Variants in KCNH7 observed in about 807,000 individuals in gnomAD.
KCNH7 encodes potassium voltage-gated channel subfamily H member 7, also known as voltage-gated inwardly rectifying potassium channel KCNH7.
KCNH7 carries 49 observed loss-of-function variants against 120.8 expected under a neutral mutation model. That is an observed-to-expected ratio of 0.41 (90% CI 0.32 to 0.51). KCNH7 has a LOEUF of 0.51. Ranked by LOEUF, KCNH7 falls within the 20% of genes least tolerant of loss-of-function variation. The pLI is 0.38. For synonymous variants in KCNH7, 547 were observed against 516.1 expected, an observed-to-expected ratio of 1.06 and a Z score of -0.81; for missense variants, 1,097 against 1,446.6, an observed-to-expected ratio of 0.76 and a Z score of 3.92.
intron 2 of KCNH7, among the ~76,000 whole-genome samples, chr2:162,712,988 G>C (rs1686978294): frequency 6.6e-6 from 1 of 152,178 alleles, no homozygotes; most frequent in Non-Finnish European, 1.5e-5. Flanking sequence ...TGTGTACAGA[G>C]TTCAAATAAC....
intron 15 of KCNH7, 77 bp from the exon 16 acceptor site, chr2:162,372,172 T>G (rs1173635131): frequency 1.7e-6 from 2 of 1,188,226 alleles, no homozygotes; most frequent in Admixed American, 2.4e-5. Flanking sequence ...TAATAAAAAC[T>G]TAAGCATTTT....
intron 2 of KCNH7, among the ~76,000 whole-genome samples, chr2:162,595,246 A>T (rs1694340421): frequency 6.6e-6 from 1 of 151,968 alleles, no homozygotes. Flanking sequence ...AGCAGGGGGA[A>T]ATTCCAGAAA....
chr2:162,427,358 T>C (rs1687900573), intron 8 of KCNH7, among the ~76,000 whole-genome samples: 1 of 152,102 alleles, frequency 6.6e-6, no homozygotes, highest in Non-Finnish European at 1.5e-5. Flanking sequence ...ATTTGTTCCA[T>C]ATCCTCTCCA....
chr2:162,491,649 G>T (rs2105715052), intron 6 of KCNH7, among the ~76,000 whole-genome samples: 1 of 152,306 alleles, frequency 6.6e-6, no homozygotes, highest in East Asian at 1.9e-4. Context: ...TGGGTGAAAA[G>T]TTGCATTGGC....
At chr2:162,529,923 T>A (rs535114082) in intron 3 of KCNH7, among the ~76,000 whole-genome samples, 2 of 152,088 alleles carry the variant, frequency 1.3e-5, no homozygotes, top group Admixed American at 1.3e-4. Flanking sequence ...GCTCATTTAT[T>A]CAGTACTTAT....
At chr2:162,493,644 C>T (rs1386557784) in intron 6 of KCNH7, among the ~76,000 whole-genome samples, 1 of 152,050 alleles carries the variant, frequency 6.6e-6, no homozygotes, top group Non-Finnish European at 1.5e-5. Context: ...TTATCTGTGC[C>T]TAGTACATAA....
chr2:162,764,253 TAGC>T (rs929871161), intron 2 of KCNH7, among the ~76,000 whole-genome samples: 1 of 152,070 alleles, frequency 6.6e-6, no homozygotes, highest in Admixed American at 6.6e-5. Flanking sequence ...AAAAGAGAAA[TAGC>T]AGCAGCTACA....
chr2:162,385,878 A>T (rs1686557001), intron 12 of KCNH7, among the ~76,000 whole-genome samples: 1 of 151,924 alleles, frequency 6.6e-6, no homozygotes, highest in South Asian at 2.1e-4. Flanking sequence ...AACTGTTTTT[A>T]AAAATTCCCA....
At chr2:162,730,145 C>T (rs78726708) in intron 2 of KCNH7, among the ~76,000 whole-genome samples, 18 of 145,412 alleles carry the variant, frequency 1.2e-4, no homozygotes, top group Non-Finnish European at 2.3e-4. Context: ...TAGAAGATGT[C>T]GAATGAAAAA....
At chr2:162,448,870 T>A (rs1185802840) in intron 6 of KCNH7, among the ~76,000 whole-genome samples, 1 of 151,636 alleles carries the variant, frequency 6.6e-6, no homozygotes, top group Admixed American at 6.6e-5. Flanking sequence ...AAAATGGGAG[T>A]CCCCTTGAGG....
chr2:162,657,090 T>G (rs1361488241), intron 2 of KCNH7, among the ~76,000 whole-genome samples: 1 of 152,176 alleles, frequency 6.6e-6, no homozygotes, highest in Non-Finnish European at 1.5e-5. Flanking sequence ...TACAGCCTCC[T>G]CCACTATCCA....
chr2:162,645,231 T>A (rs568704630), intron 2 of KCNH7, among the ~76,000 whole-genome samples: 1 of 152,266 alleles, frequency 6.6e-6, no homozygotes, highest in South Asian at 2.1e-4. Context: ...CACTGCAACC[T>A]CCGCCTCCCG....
chr2:162,535,343 G>T (rs1692070147), intron 3 of KCNH7, among the ~76,000 whole-genome samples: 1 of 151,712 alleles, frequency 6.6e-6, no homozygotes, highest in Non-Finnish European at 1.5e-5. Flanking sequence ...AAAAGTCAAT[G>T]TATAAGTCAC....
At chr2:162,643,345 AACAAAAAAACCCAAAAAACAG>A (rs1684231768) in intron 2 of KCNH7, among the ~76,000 whole-genome samples, 1 of 152,142 alleles carries the variant, frequency 6.6e-6, no homozygotes, top group Admixed American at 6.5e-5. Flanking sequence ...AGCAAAAACA[AACAAAAAAACCCAAAAAACAG>A]AAAACAAAAC....
At chr2:162,421,464 T>C (rs997770300) in intron 9 of KCNH7, among the ~76,000 whole-genome samples, 1 of 152,156 alleles carries the variant, frequency 6.6e-6, no homozygotes, top group African/African-American at 2.4e-5. Flanking sequence ...CCAGGTTATC[T>C]TCCCCAGTTT....
chr2:162,371,559 A>T lies in KCNH7; in HGVS notation c.*270T>A. 1.2e-6 allele frequency: 1 copy of T among 860,722 alleles called. No homozygotes were observed. The highest frequency in any genetic ancestry group is 2.4e-5 in the South Asian group (1 of 42,522). 53.3% of individuals were successfully genotyped at this position (860,722 alleles called of 1,614,324 possible). A position where few individuals can be genotyped will look rare whatever the true frequency, so the allele number is the denominator to read the frequency against. On this transcript the variant is annotated 3_prime_UTR_variant, in exon 16 of 16. Transcript: ENST00000332142. ...ATGCAAGAGAAATTGGAGTTTCCTA[A>T]CATGCATGTGATTTAAAAAATAAAA... is the stretch of plus-strand genomic sequence containing the variant.
intron 14 of KCNH7, among the ~76,000 whole-genome samples, chr2:162,375,014 T>G (rs940602519): frequency 6.6e-6 from 1 of 152,208 alleles, no homozygotes; most frequent in East Asian, 1.9e-4. Context: ...TTCACTGTTA[T>G]GTGTTATACA....
intron 2 of KCNH7, among the ~76,000 whole-genome samples, chr2:162,758,874 G>C (rs1426480677): frequency 3.9e-5 from 6 of 152,110 alleles, no homozygotes; most frequent in Admixed American, 3.9e-4. Context: ...CTATGCACAG[G>C]AGAACATTTA....
chr2:162,755,093 C>G (rs535305389), intron 2 of KCNH7, among the ~76,000 whole-genome samples: 1 of 152,182 alleles, frequency 6.6e-6, no homozygotes, highest in East Asian at 1.9e-4. Context: ...AAAATTAACA[C>G]TTTTTCCAAA....
Sources: gnomAD v4.1 joint callset for allele counts (sites outside exome capture counted in the v4.1 genomes callset) on GRCh38, gnomAD v4.1.1 for gene constraint, MANE v1.5 for transcripts, NCBI Gene and HGNC (gene_info 2026-07-23, HGNC 2026-07-21) for gene names.